Variants in DPH6 observed in about 807,000 individuals in gnomAD.
DPH6 encodes diphthine--ammonia ligase.
DPH6 carries 33 observed loss-of-function variants against 38.2 expected under a neutral mutation model. That is an observed-to-expected ratio of 0.86 (90% confidence interval 0.65 to 1.15). The LOEUF is 1.15. DPH6 is among the 50% of genes most tolerant of loss of function. The probability of loss-of-function intolerance (pLI) is 0.00; values close to 1 mark genes in which losing one functional copy is unlikely to be tolerated. For missense variants in DPH6, 325 were observed against 320.0 expected, an observed-to-expected ratio of 1.02 and a Z score of -0.12; for synonymous variants, 108 against 103.0, an observed-to-expected ratio of 1.05 and a Z score of -0.30.
At chr15:35,534,588 GGA>G (rs2055140365) in intron 3 of DPH6, among the ~76,000 whole-genome samples, 1 of 151,894 alleles carries the variant, frequency 6.6e-6, no homozygotes, top group East Asian at 1.9e-4. Flanking sequence ...AAGAAAGTAG[GGA>G]AATTTTAAAA....
chr15:35,430,735 C>T (rs1249441140), intron 5 of DPH6, among the ~76,000 whole-genome samples: 1 of 152,108 alleles, frequency 6.6e-6, no homozygotes, highest in Non-Finnish European at 1.5e-5. Flanking sequence ...ACTATAAATG[C>T]ATTTCCTGTA....
chr15:35,346,297 G>A (rs989902475), intron 3 of DPH6, among the ~76,000 whole-genome samples: 4 of 151,932 alleles, frequency 2.6e-5, no homozygotes, highest in African/African-American at 9.7e-5. Flanking sequence ...TCTACTCTTG[G>A]AAGTGTGTGA....
chr15:35,313,267 G>A (rs2052159912), intron 3 of DPH6, among the ~76,000 whole-genome samples: 1 of 151,114 alleles, frequency 6.6e-6, no homozygotes, highest in Non-Finnish European at 1.5e-5. Context: ...AAATCAGGTA[G>A]TGTAATGTCT....
intron 3 of DPH6, among the ~76,000 whole-genome samples, chr15:35,536,760 A>G (rs535872937): frequency 6.6e-6 from 1 of 152,200 alleles, no homozygotes; most frequent in South Asian, 2.1e-4. Context: ...ACCATGAGAA[A>G]GAAATTTTGA....
chr15:35,391,125 T>C (rs577021243), intron 6 of DPH6, among the ~76,000 whole-genome samples: 21 of 152,310 alleles, frequency 1.4e-4, no homozygotes, highest in African/African-American at 4.8e-4. Context: ...CCTATTTGCC[T>C]GGGTATCAGC....
At chr15:35,292,066 C>G (rs2051983920) in intron 3 of DPH6, among the ~76,000 whole-genome samples, 1 of 152,038 alleles carries the variant, frequency 6.6e-6, no homozygotes, top group Non-Finnish European at 1.5e-5. Context: ...GCTTTCAAAA[C>G]TGAGCCCTAA....
At chr15:35,279,216 G>T (rs2051881382) in intron 3 of DPH6, among the ~76,000 whole-genome samples, 1 of 151,814 alleles carries the variant, frequency 6.6e-6, no homozygotes, top group Admixed American at 6.6e-5. Flanking sequence ...CACCACCATT[G>T]TATCTTGGGA....
the DPH6 span, among the ~76,000 whole-genome samples, chr15:35,151,642 G>T: frequency 6.6e-6 from 1 of 152,204 alleles, no homozygotes. Flanking sequence ...GTCTGACTGA[G>T]TGTGGCTGTG....
chr15:35,201,776 A>T, the DPH6 span, among the ~76,000 whole-genome samples: 1 of 151,762 alleles, frequency 6.6e-6, no homozygotes, highest in Non-Finnish European at 1.5e-5. Flanking sequence ...TTTAAAATTT[A>T]AAATATATTA....
chr15:35,537,451 A>T (rs1472015262), intron 3 of DPH6, among the ~76,000 whole-genome samples: 33 of 152,150 alleles, frequency 2.2e-4, no homozygotes, highest in Non-Finnish European at 3.8e-4. Flanking sequence ...AGAATAACTG[A>T]ACTGTATTCA....
the DPH6 span, among the ~76,000 whole-genome samples, chr15:35,152,749 T>C: frequency 6.6e-6 from 1 of 152,346 alleles, no homozygotes; most frequent in African/African-American, 2.4e-5. Context: ...TCCACCCACC[T>C]TGGCCTCCCA....
chr15:35,264,548 T>C (rs1028761589), intron 3 of DPH6, among the ~76,000 whole-genome samples: 2 of 152,242 alleles, frequency 1.3e-5, no homozygotes, highest in African/African-American at 4.8e-5. Context: ...TTACTATTTT[T>C]AATTTTAATT....
chr15:35,269,437 T>C lies in DPH6; in HGVS notation n.201-48855A>G, dbSNP rs149860900. 7.2e-4 allele frequency among the ~76,000 whole-genome samples: 109 copies of C among 152,318 alleles called. 1 individual carries two copies. Among genetic ancestry groups the C allele is most frequent in the East Asian group, 4.4e-3 (23 of 5,194 alleles). On this transcript the variant is annotated intron_variant and non_coding_transcript_variant, in intron 3 of 3. Transcript: ENST00000560386. ...CTTTTAGTCAGTAAGGATAAACCTA[T>C]TTCCGTGAATTTTAGGACTTCATTT...
At chr15:35,172,366 GTGTTT>G in the DPH6 span, among the ~76,000 whole-genome samples, 1 of 152,114 alleles carries the variant, frequency 6.6e-6, no homozygotes, top group African/African-American at 2.4e-5. Context: ...TTAAAACAAG[GTGTTT>G]AGGGTAACTT....
downstream of DPH6, among the ~76,000 whole-genome samples, chr15:35,330,259 C>T (rs763832483): frequency 3.3e-5 from 5 of 152,012 alleles, no homozygotes; most frequent in Non-Finnish European, 5.9e-5. Context: ...ATCTATCATG[C>T]GAATACGTGA....
At chr15:35,184,364 T>A in the DPH6 span, among the ~76,000 whole-genome samples, 1 of 152,174 alleles carries the variant, frequency 6.6e-6, no homozygotes, top group Non-Finnish European at 1.5e-5. Context: ...AGACTGGGAA[T>A]GCATATTCTG....
At chr15:35,252,338 C>T (rs541399458) in intron 3 of DPH6, among the ~76,000 whole-genome samples, 4 of 151,812 alleles carry the variant, frequency 2.6e-5, no homozygotes, top group African/African-American at 9.7e-5. Flanking sequence ...AGAAACAAGC[C>T]TATAAACAAA....
At chr15:35,288,716 T>C (rs2051959919) in intron 3 of DPH6, among the ~76,000 whole-genome samples, 2 of 152,170 alleles carry the variant, frequency 1.3e-5, no homozygotes, top group African/African-American at 4.8e-5. Flanking sequence ...AATCCCATCA[T>C]CCTGCATTAT....
intron 3 of DPH6, among the ~76,000 whole-genome samples, chr15:35,507,753 A>T (rs916108488): frequency 6.6e-6 from 1 of 152,096 alleles, no homozygotes; most frequent in Non-Finnish European, 1.5e-5. Flanking sequence ...ATACTAGAAA[A>T]ATTCTCTCTG....
Sources: gnomAD v4.1 joint callset for allele counts (sites outside exome capture counted in the v4.1 genomes callset) on GRCh38, gnomAD v4.1.1 for gene constraint, MANE v1.5 for transcripts, NCBI Gene and HGNC (gene_info 2026-07-23, HGNC 2026-07-21) for gene names.